Variants in IL23R observed in about 807,000 individuals in gnomAD.
IL23R encodes interleukin 23 receptor.
In IL23R, 34 loss-of-function variants were observed where a neutral mutation model predicts 56.9. The observed-to-expected ratio is 0.60, with a 90% CI of 0.45 to 0.80. IL23R has a LOEUF of 0.80. Among genes scored for constraint, IL23R ranks in the 30% least tolerant of loss-of-function variants. The pLI is 0.00. For synonymous variants in IL23R, 230 were observed against 249.2 expected, an observed-to-expected ratio of 0.92 and a Z score of 0.73; for missense variants, 635 against 730.0, an observed-to-expected ratio of 0.87 and a Z score of 1.50.
chr1:67,263,132 T>TTA (rs149532441), downstream of IL23R, among the ~76,000 whole-genome samples: 27,497 of 139,388 alleles, frequency 0.2, 3,422 homozygotes, highest in Non-Finnish European at 0.26. Context: ...TTTTTTTTTT[T>TTA]AACAGGTCAC....
chr1:67,219,814 C>A, intron 7 of IL23R, 84 bp downstream of exon 7: 1 of 1,365,288 alleles, frequency 7.3e-7, no homozygotes, highest in Non-Finnish European at 1.0e-6. Context: ...ACCTATAATT[C>A]CAGCACTTTG....
At position 67,259,441 on chromosome 1, in the gene IL23R, TC is replaced by T; in HGVS notation, c.*314del. The T allele has an allele frequency of 5.6e-6, 2 of 357,608 alleles. No homozygotes were observed. The highest frequency in any genetic ancestry group is 1.3e-4 in the East Asian group (2 of 15,006). 22.2% of individuals were successfully genotyped at this position (357,608 alleles called of 1,614,324 possible). A position where few individuals can be genotyped will look rare whatever the true frequency, so the allele number is the denominator to read the frequency against. On this transcript the variant is annotated 3_prime_UTR_variant, in exon 11 of 11. Transcript: ENST00000347310. ...ATTTTAGCCATTCTTCTGCCTCATT[TC>T]TTAAAATTAGAGAATTAAGGTCCCG...
chr1:67,242,285 A>G (rs764800730), intron 9 of IL23R, among the ~76,000 whole-genome samples: 12 of 152,198 alleles, frequency 7.9e-5, no homozygotes, highest in Admixed American at 1.3e-4. Context: ...TCTCACCTGC[A>G]TTGGGCCTTC....
At chr1:67,219,880 A>G (rs1474348480) in intron 7 of IL23R, 150 bp downstream of exon 7, 3 of 726,978 alleles carry the variant, frequency 4.1e-6, no homozygotes, top group Non-Finnish European at 7.2e-6. Context: ...GGCCTGGGCA[A>G]CATAGTGAGA....
intron 3 of IL23R, among the ~76,000 whole-genome samples, chr1:67,182,576 G>C (rs778539961): frequency 5.3e-5 from 8 of 152,166 alleles, no homozygotes; most frequent in Non-Finnish European, 1.2e-4. Flanking sequence ...CTGACCCCTT[G>C]CACTTCCCGG....
intron 6 of IL23R, among the ~76,000 whole-genome samples, chr1:67,211,991 A>AT (rs1321556794): frequency 2.6e-5 from 4 of 152,208 alleles, no homozygotes; most frequent in African/African-American, 4.8e-5. Context: ...GTCAAGCCAG[A>AT]TTTTTTTGAA....
intron 5 of IL23R, among the ~76,000 whole-genome samples, chr1:67,202,138 C>T (rs1043964935): frequency 2.0e-5 from 3 of 152,190 alleles, no homozygotes; most frequent in African/African-American, 7.2e-5. Flanking sequence ...ACCAATGATT[C>T]CTGTTGTTAT....
chr1:67,147,428 G>A (rs1371637637), intron 1 of IL23R, among the ~76,000 whole-genome samples: 2 of 152,172 alleles, frequency 1.3e-5, no homozygotes, highest in Non-Finnish European at 2.9e-5. Context: ...GCTGGATGTG[G>A]TGGCTCACAC....
chr1:67,204,124 C>G (rs3929684), intron 5 of IL23R, among the ~76,000 whole-genome samples: 1 of 151,746 alleles, frequency 6.6e-6, no homozygotes, highest in East Asian at 1.9e-4. Flanking sequence ...AGTGCAGTGG[C>G]GCGATCTCGG....
chr1:67,139,647 C>T (rs1329358906), intron 1 of IL23R, among the ~76,000 whole-genome samples: 1 of 152,098 alleles, frequency 6.6e-6, no homozygotes, highest in East Asian at 1.9e-4. Context: ...ATATTTGTCC[C>T]CTCCGAAAGT....
chr1:67,259,014 T>G lies in IL23R; in HGVS notation c.1776T>G (p.Asp592Glu). 5 of 1,614,070 alleles carry G rather than the reference T, an allele frequency of 3.1e-6. No homozygotes were observed. The highest frequency in any genetic ancestry group is 4.2e-6 in the Non-Finnish European group (5 of 1,179,986). ...TTCCAGAACAGACCCTGCTTCCTGA[T>G]GAATTTGTCTCCTGTTTGGGGATCG... ...ETIPEQTLLP[D>E]EFVSCLGIVN... Residue 592 changes from aspartate (D) to glutamate (E), a missense_variant, in exon 11 of 11, where the codon GAT becomes GAG. Physicochemically the swap from Asp to Glu is conservative, Grantham distance 45. Coordinates refer to ENST00000347310, the MANE Select transcript of IL23R (RefSeq NM_144701.3).
intron 4 of IL23R, among the ~76,000 whole-genome samples, chr1:67,192,915 G>A (rs913445365): frequency 3.3e-5 from 5 of 151,998 alleles, no homozygotes; most frequent in Admixed American, 6.6e-5. Context: ...TGCACCTCAG[G>A]CCATGTCACC....
chr1:67,147,328 G>T (rs1646688179), intron 1 of IL23R, among the ~76,000 whole-genome samples: 1 of 152,140 alleles, frequency 6.6e-6, no homozygotes, highest in Admixed American at 6.5e-5. Flanking sequence ...CACATAGTGA[G>T]TTTGAGTTGA....
At chr1:67,214,870 G>A (rs1330223169) in intron 6 of IL23R, among the ~76,000 whole-genome samples, 2 of 152,156 alleles carry the variant, frequency 1.3e-5, no homozygotes, top group East Asian at 3.9e-4. Flanking sequence ...AACCAGGACT[G>A]GGCCTGCCTG....
At chr1:67,207,989 G>C (rs1316147892) in intron 6 of IL23R, among the ~76,000 whole-genome samples, 1 of 152,162 alleles carries the variant, frequency 6.6e-6, no homozygotes, top group Non-Finnish European at 1.5e-5. Context: ...AGGCTGGGGT[G>C]GTCTCAGATG....
At chr1:67,229,548 C>T (rs890113659) in intron 7 of IL23R, among the ~76,000 whole-genome samples, 4 of 152,178 alleles carry the variant, frequency 2.6e-5, no homozygotes, top group Non-Finnish European at 4.4e-5. Flanking sequence ...ATCCCCTCTC[C>T]CCTCTGGGAG....
chr1:67,244,689 G>A (rs1297732482), intron 9 of IL23R, among the ~76,000 whole-genome samples: 1 of 152,144 alleles, frequency 6.6e-6, no homozygotes, highest in Non-Finnish European at 1.5e-5. Context: ...TTTGGTACCA[G>A]TATCCTGCTG....
At chr1:67,254,351 G>C (rs1489047663) in intron 9 of IL23R, among the ~76,000 whole-genome samples, 1 of 151,904 alleles carries the variant, frequency 6.6e-6, no homozygotes. Context: ...TTACAGGTGT[G>C]AGCCAACATG....
At chr1:67,212,542 T>C (rs547249329) in intron 6 of IL23R, among the ~76,000 whole-genome samples, 8 of 27,128 alleles carry the variant, frequency 2.9e-4, no homozygotes, top group African/African-American at 1.2e-3. Flanking sequence ...AGTCATGCAA[T>C]CTTTTTTTTT....
Sources: allele counts gnomAD v4.1 joint callset (sites outside exome capture counted in the v4.1 genomes callset), GRCh38; gene constraint gnomAD v4.1.1; transcripts MANE v1.5; gene names NCBI Gene and HGNC (gene_info 2026-07-23, HGNC 2026-07-21).